The following PDE6B variants were observed in gnomAD, a reference collection of about 807,000 sequenced individuals.
PDE6B encodes rod cGMP-specific 3',5'-cyclic phosphodiesterase subunit beta.
Under a neutral mutation model 109.0 loss-of-function variants are expected in PDE6B, and 106 were observed. The observed-to-expected ratio is 0.97, with a 90% CI of 0.83 to 1.14. The LOEUF (loss-of-function observed/expected upper bound fraction) is 1.14. PDE6B is among the 50% of genes most tolerant of loss of function. PDE6B has a pLI of 0.00. For missense variants in PDE6B, 1,193 were observed against 1,155.6 expected (o/e 1.03, Z -0.47); for synonymous variants, 490 against 471.3 (o/e 1.04, Z -0.51).
chr4:626,170 C>T lies in PDE6B; in HGVS notation c.468+76C>T, dbSNP rs1397522688. The T allele has an allele frequency of 1.4e-5, 13 of 931,442 alleles. No homozygotes were observed. The Admixed American group carries it at 2.2e-4, about 16-fold the overall frequency. 57.7% of individuals were successfully genotyped at this position (931,442 alleles called of 1,614,324 possible). ...TGTCCCAGGTGTCTAAGGGTCAGCT[C>T]GGATCCTCAGGCCTCCAGGGAGGCC... On this transcript the variant is annotated intron_variant, in intron 1 of 21. Coordinates refer to ENST00000496514, the MANE Select transcript of PDE6B (RefSeq NM_000283.4). This position sits in a 1 kb window ranked among gnomAD's most constrained non-coding sequence, Gnocchi z 4.6.
chr4:627,299 C>G (rs1012593464), intron 1 of PDE6B, among the ~76,000 whole-genome samples: 2 of 152,220 alleles, frequency 1.3e-5, no homozygotes, highest in Non-Finnish European at 2.9e-5. Context: ...GTGCCCGCCA[C>G]CACACCCGGC....
intron 10 of PDE6B, among the ~76,000 whole-genome samples, chr4:658,497 G>T (rs530777377): frequency 6.6e-6 from 1 of 152,078 alleles, no homozygotes; most frequent in Admixed American, 6.5e-5. Context: ...GTCACCCAGG[G>T]GTCACGGCTC....
Position 659,033 on chromosome 4 carries a change from C to A in PDE6B, c.1467+16C>A. ...CGAAATCCTGGTAAGAACCTTGCTC[C>A]CGTCCCTCCCATGGAGGCCGGCCAC... On this transcript the variant is annotated intron_variant, in intron 11 of 21. Transcript: ENST00000496514. 6.2e-7 allele frequency: 1 copy of A among 1,604,846 alleles called. No individual in the cohort carries two copies. Among genetic ancestry groups the A allele is most frequent in the Non-Finnish European group, 8.5e-7 (1 of 1,172,066 alleles).
chr4:654,462 CGT>C (rs769380840), intron 5 of PDE6B: 12,654 of 474,384 alleles, frequency 0.027, no homozygotes, highest in Middle Eastern at 0.039. Context: ...GTGTAGGATG[CGT>C]GTGTGTGTGT....
intron 20 of PDE6B, among the ~76,000 whole-genome samples, chr4:667,354 G>T (rs995613202): frequency 6.6e-6 from 1 of 152,200 alleles, no homozygotes; most frequent in African/African-American, 2.4e-5. Context: ...TGGGACAAGG[G>T]TGGATATTTG....
chr4:628,754 C>T (rs748050423), intron 1 of PDE6B, among the ~76,000 whole-genome samples: 5 of 152,230 alleles, frequency 3.3e-5, no homozygotes, highest in Admixed American at 6.5e-5. Context: ...CTCACACTCT[C>T]GGGCCTACAG....
Position 662,634 on chromosome 4 carries a change from C to T in PDE6B, c.1832+16C>T, listed in dbSNP as rs1454338239. 8.1e-6 allele frequency: 12 copies of T among 1,479,812 alleles called. No individual in the cohort carries two copies. The highest frequency in any genetic ancestry group is 5.5e-5 in the African/African-American group (4 of 72,404). The allele number at this position is 1,479,812 out of a possible 1,614,324, so 91.7% of individuals were successfully genotyped here. On this transcript the variant is annotated intron_variant, in intron 14 of 21. Transcript: ENST00000496514. The surrounding 1 kb of genome is among the most constrained non-coding windows in gnomAD (Gnocchi z 4.3). ...ACCAGATGAAGTAGGCACCTCAGGG[C>T]GGGCATGTGAATTAGCCCTAAATCA...
chr4:630,328 C>T (rs1230311643), intron 1 of PDE6B, among the ~76,000 whole-genome samples: 4 of 151,984 alleles, frequency 2.6e-5, no homozygotes, highest in African/African-American at 7.3e-5. Context: ...GGGAGGGAGC[C>T]GCTGAGGCTG....
Position 665,248 on chromosome 4 carries a change from C to T in PDE6B, c.2194-7C>T, listed in dbSNP as rs1341309456. The T allele has an allele frequency of 6.2e-7, 1 of 1,607,740 alleles. No homozygotes were observed. Among genetic ancestry groups the T allele is most frequent in the Non-Finnish European group, 8.5e-7 (1 of 1,175,050 alleles). ...CTCCACAGACAGCTGCCTTCCTGTG[C>T]CTCCAGGTCGCACTTCTCGTGGCTG... is the stretch of plus-strand genomic sequence containing the variant. On this transcript the variant is annotated splice_polypyrimidine_tract_variant and splice_region_variant and intron_variant, in intron 18 of 21. Coordinates refer to ENST00000496514, the MANE Select transcript of PDE6B (RefSeq NM_000283.4). This position sits in a 1 kb window ranked among gnomAD's most constrained non-coding sequence, Gnocchi z 4.0.
chr4:657,410 C>A lies in PDE6B; in HGVS notation c.1317C>A (p.Asn439Lys). The A allele has an allele frequency of 6.2e-7, 1 of 1,613,218 alleles. No homozygotes were observed. The highest frequency in any genetic ancestry group is 8.5e-7 in the Non-Finnish European group (1 of 1,179,730). ...ACACCGACACCTACGACAAGATGAA[C>A]AAGCTGGAGAACCGCAAGGACATCG... ...VMNTDTYDKM[N>K]KLENRKDIAQ... The change falls in exon 10 of 22, where the codon AAC becomes AAA. Residue 439 changes from asparagine (N) to lysine (K), a missense_variant. Transcript: ENST00000496514.
At chr4:646,671 G>C (rs1735218094) in intron 3 of PDE6B, among the ~76,000 whole-genome samples, 1 of 151,896 alleles carries the variant, frequency 6.6e-6, no homozygotes, top group Admixed American at 6.6e-5. Context: ...TCGCGCTCCC[G>C]GCCCCCTTCC....
Position 663,993 on chromosome 4 carries a change from G to A in PDE6B, c.2022-121G>A, listed in dbSNP as rs755545474. 1.5e-5 allele frequency: 17 copies of A among 1,108,700 alleles called. No individual in the cohort carries two copies. The highest frequency in any genetic ancestry group is 2.2e-4 in the Middle Eastern group (1 of 4,588). 68.7% of individuals were successfully genotyped at this position (1,108,700 alleles called of 1,614,324 possible). A position where few individuals can be genotyped will look rare whatever the true frequency, so the allele number is the denominator to read the frequency against. Reference sequence around the variant, plus strand: ...GCAGCCCCGGATTCCGTCCCTGCCCGCCGGCCCCGCGCACCCCGGATGGGG... The same window carrying A: ...GCAGCCCCGGATTCCGTCCCTGCCCACCGGCCCCGCGCACCCCGGATGGGG... On this transcript the variant is annotated intron_variant, in intron 16 of 21. Coordinates refer to ENST00000496514, the MANE Select transcript of PDE6B (RefSeq NM_000283.4). This position sits in a 1 kb window ranked among gnomAD's most constrained non-coding sequence, Gnocchi z 4.0.
Position 636,094 on chromosome 4 carries a change from C to A in PDE6B, c.711+125C>A. ...TCACCTGGGTAGGTCCTGGGGTGGG[C>A]ATTGCTCAGGGGAGAGGAGGGCTCC... On this transcript the variant is annotated intron_variant, in intron 3 of 21. Transcript: ENST00000496514. The surrounding 1 kb of genome is among the most constrained non-coding windows in gnomAD (Gnocchi z 4.5). 1 of 696,550 alleles carries A rather than the reference C, an allele frequency of 1.4e-6. No homozygotes were observed. Among genetic ancestry groups the A allele is most frequent in the South Asian group, 1.5e-5 (1 of 66,088 alleles). 43.1% of individuals were successfully genotyped at this position (696,550 alleles called of 1,614,324 possible).
In PDE6B at chr4:634,673, G is replaced by A. The variant is rs1345580231; in HGVS notation, c.469-4G>A. 1.9e-6 allele frequency: 3 copies of A among 1,611,354 alleles called. No individual in the cohort carries two copies. The highest frequency in any genetic ancestry group is 2.5e-6 in the Non-Finnish European group (3 of 1,177,478). ...TCTTTAGCCTCTTTCCTCTCTTGCG[G>A]CAGTGCCCTCACTTCAGCTCATTTG... On this transcript the variant is annotated splice_polypyrimidine_tract_variant and splice_region_variant and intron_variant, in intron 1 of 21. Coordinates refer to ENST00000496514, the MANE Select transcript of PDE6B (RefSeq NM_000283.4).
In PDE6B at chr4:625,952, G is replaced by A. The variant is rs1265490170; in HGVS notation, c.326G>A (p.Arg109Lys). The A allele has an allele frequency of 1.0e-5, 16 of 1,589,054 alleles. No individual in the cohort carries two copies. The highest frequency in any genetic ancestry group is 1.2e-5 in the Non-Finnish European group (14 of 1,167,968). Residue 109 changes from arginine to lysine, a missense_variant, in exon 1 of 22, where the codon AGG (arginine) becomes AAG (lysine). Physicochemically the swap from Arg to Lys is conservative, Grantham distance 26. Transcript: ENST00000496514. This position sits in a 1 kb window ranked among gnomAD's most constrained non-coding sequence, Gnocchi z 5.0. ...QRNGVAELAT[R>K]LFSVQPDSVL... ...AACGGCGTGGCCGAGCTGGCCACCA[G>A]GCTTTTCAGCGTGCAGCCGGACAGC... is the stretch of plus-strand genomic sequence containing the variant.
At position 660,481 on chromosome 4, in the gene PDE6B, A is replaced by AG. The variant is rs1360937549; in HGVS notation, c.1485dup (p.Pro496AlafsTer5). 2 of 1,613,598 alleles carry AG rather than the reference A, an allele frequency of 1.2e-6. No homozygotes were observed. Among genetic ancestry groups the AG allele is most frequent in the Non-Finnish European group, 1.7e-6 (2 of 1,179,766 alleles). The stretch of plus-strand genomic sequence containing the variant: ...CCCTCCCACAGAAGGAGGAGCTGCC[A>AG]GGGCCCACCACATTTGACATCTACG... On this transcript the variant is annotated frameshift_variant, in exon 12 of 22. Transcript: ENST00000496514. LOFTEE classifies it high-confidence loss of function.
At chr4:655,320 C>T (rs1222390702) in intron 6 of PDE6B, 3 of 295,586 alleles carry the variant, frequency 1.0e-5, no homozygotes, top group Middle Eastern at 1.2e-3. Context: ...AACTCCAGTC[C>T]GGAGGTCAGG....
At chr4:655,601 G>A (rs1001079462) in intron 6 of PDE6B, 11 of 430,354 alleles carry the variant, frequency 2.6e-5, no homozygotes, top group Admixed American at 1.1e-4. Flanking sequence ...CAGCACAGCC[G>A]TCCTCCAACC....
intron 3 of PDE6B, among the ~76,000 whole-genome samples, chr4:641,005 G>T (rs1734920595): frequency 1.3e-5 from 2 of 152,172 alleles, no homozygotes; most frequent in South Asian, 4.1e-4. Flanking sequence ...GCAGTATTGT[G>T]CTAGCTATTC....
Sources: allele counts gnomAD v4.1 joint callset (sites outside exome capture counted in the v4.1 genomes callset), GRCh38; gene constraint gnomAD v4.1.1; non-coding constraint Gnocchi (gnomAD v3.1); transcripts MANE v1.5; gene names NCBI Gene and HGNC (gene_info 2026-07-23, HGNC 2026-07-21).